The following SRSF11 variants were observed in gnomAD, a reference collection of about 807,000 sequenced individuals.
The protein encoded by SRSF11 is serine and arginine rich splicing factor 11, also known as serine/arginine-rich splicing factor 11.
Under a neutral mutation model 56.0 loss-of-function variants are expected in SRSF11, and 9 were observed. The observed-to-expected ratio is 0.16, with a 90% CI of 0.10 to 0.28. The LOEUF is 0.28. SRSF11 is among the 10% of genes least tolerant of loss of function. The pLI, the probability that SRSF11 is intolerant of heterozygous loss-of-function variation, is 1.00. For missense variants in SRSF11, 421 were observed against 600.7 expected (o/e 0.70, Z 3.13); for synonymous variants, 222 against 215.3 (o/e 1.03, Z -0.27).
chr1:70,214,608 T>C (rs1669842213), intron 1 of SRSF11, among the ~76,000 whole-genome samples: 1 of 152,120 alleles, frequency 6.6e-6, no homozygotes, highest in Admixed American at 6.6e-5. Context: ...AGACAATATA[T>C]ATTAAACGAT....
intron 2 of SRSF11, chr1:70,231,415 A>G (rs1167560495): frequency 1.9e-6 from 2 of 1,058,000 alleles, no homozygotes; most frequent in South Asian, 6.0e-5. Context: ...ATTTTATCTG[A>G]ATACACAGAT....
chr1:70,209,914 T>A (rs1031759563), intron 1 of SRSF11, among the ~76,000 whole-genome samples: 5 of 151,896 alleles, frequency 3.3e-5, no homozygotes, highest in Non-Finnish European at 7.4e-5. Context: ...GACATTCTTT[T>A]CTTTTCAGTG....
At chr1:70,226,060 G>A (rs1050273557) in intron 1 of SRSF11, among the ~76,000 whole-genome samples, 5 of 152,108 alleles carry the variant, frequency 3.3e-5, no homozygotes, top group East Asian at 1.9e-4. Context: ...ACGTGGTGGC[G>A]TGTGCGTGTA....
intron 1 of SRSF11, among the ~76,000 whole-genome samples, chr1:70,210,037 T>G (rs1279807977): frequency 1.3e-5 from 2 of 152,084 alleles, no homozygotes; most frequent in Non-Finnish European, 2.9e-5. Context: ...GAGAGTGCAT[T>G]GTCTTTGGAA....
chr1:70,245,607 C>G (rs1676565645), intron 8 of SRSF11, among the ~76,000 whole-genome samples: 1 of 152,138 alleles, frequency 6.6e-6, no homozygotes, highest in African/African-American at 2.4e-5. Flanking sequence ...TTGCTACTTG[C>G]TGATATTGGA....
chr1:70,224,960 T>C (rs1671454374), intron 1 of SRSF11, among the ~76,000 whole-genome samples: 2 of 152,226 alleles, frequency 1.3e-5, no homozygotes, highest in South Asian at 4.1e-4. Flanking sequence ...TGACCCTGTT[T>C]TACAAGTTCG....
chr1:70,228,563 C>T lies in SRSF11; in HGVS notation c.337+8C>T, dbSNP rs781271501. ...TCGTACCATATGCAGAAGGTTTGTG[C>T]TTTGTTTAACTACCTATGTGGGCAT... On this transcript the variant is annotated splice_region_variant and intron_variant, in intron 2 of 11. Coordinates refer to ENST00000370949, the MANE Select transcript of SRSF11 (RefSeq NM_001350605.2). 5 of 1,610,676 alleles carry T rather than the reference C, an allele frequency of 3.1e-6. No homozygotes were observed. Among genetic ancestry groups the T allele is most frequent in the South Asian group, 2.2e-5 (2 of 90,496 alleles).
chr1:70,210,372 G>A (rs1669455692), intron 1 of SRSF11, among the ~76,000 whole-genome samples: 1 of 151,862 alleles, frequency 6.6e-6, no homozygotes, highest in Non-Finnish European at 1.5e-5. Context: ...GCCCAGACTG[G>A]TCTCAAACTC....
intron 6 of SRSF11, 83 bp downstream of exon 6, chr1:70,237,635 C>T: frequency 6.5e-7 from 1 of 1,546,262 alleles, no homozygotes; most frequent in East Asian, 2.3e-5. Flanking sequence ...TTGAGTGACA[C>T]CCTAGTCGTT....
chr1:70,221,537 A>G lies in SRSF11; in HGVS notation c.-100A>G, dbSNP rs1670616950. 2.1e-6 allele frequency: 3 copies of G among 1,447,584 alleles called. No individual in the cohort carries two copies. Among genetic ancestry groups the G allele is most frequent in the East Asian group, 2.4e-5 (1 of 41,376 alleles). 89.7% of individuals were successfully genotyped at this position (1,447,584 alleles called of 1,614,324 possible). On this transcript the variant is annotated 5_prime_UTR_variant, in exon 1 of 12. Transcript: ENST00000370949. ...AGTAGCAGAGGCTGTAGCATCGGAC[A>G]CCCTCCTCTCTCCCGCAATCCGGTT...
At chr1:70,223,496 T>G (rs959526892) in intron 1 of SRSF11, among the ~76,000 whole-genome samples, 1 of 152,212 alleles carries the variant, frequency 6.6e-6, no homozygotes, top group Non-Finnish European at 1.5e-5. Flanking sequence ...TAGTGTGTGC[T>G]TGAGAATGTC....
chr1:70,244,931 G>T, intron 8 of SRSF11, 116 bp downstream of exon 8: 1 of 931,976 alleles, frequency 1.1e-6, no homozygotes, highest in South Asian at 2.6e-5. Flanking sequence ...CTAGACAGGG[G>T]AAGAAACTGT....
rs1206578968 is a variant in SRSF11, at chr1:70,251,403, A to G, written c.*598A>G. On this transcript the variant is annotated 3_prime_UTR_variant, in exon 12 of 12. Coordinates refer to ENST00000370949, the MANE Select transcript of SRSF11 (RefSeq NM_001350605.2). ...GTTTAACTTTGAAAGGTTATTATGCACTAACCTTTTTTGGTGGCTAATTAG... is the reference window on the plus strand; with the variant it reads ...GTTTAACTTTGAAAGGTTATTATGCGCTAACCTTTTTTGGTGGCTAATTAG... 6.5e-6 allele frequency: 1 copy of G among 152,676 alleles called. No individual in the cohort carries two copies. The highest frequency in any genetic ancestry group is 1.5e-5 in the Non-Finnish European group (1 of 68,038). 9.5% of individuals were successfully genotyped at this position (152,676 alleles called of 1,614,324 possible).
upstream of SRSF11, among the ~76,000 whole-genome samples, chr1:70,220,463 A>C (rs1670429786): frequency 6.6e-6 from 1 of 152,266 alleles, no homozygotes; most frequent in Non-Finnish European, 1.5e-5. Flanking sequence ...ATGTATGTGA[A>C]ACAAGTTTTT....
intron 5 of SRSF11, 54 bp downstream of exon 5, chr1:70,235,604 A>G: frequency 6.5e-7 from 1 of 1,548,336 alleles, no homozygotes; most frequent in Non-Finnish European, 8.7e-7. Context: ...ATGTCTACAG[A>G]ATTAGAGTTT....
chr1:70,240,915 G>T (rs1675236288), intron 7 of SRSF11, among the ~76,000 whole-genome samples: 1 of 152,054 alleles, frequency 6.6e-6, no homozygotes, highest in African/African-American at 2.4e-5. Flanking sequence ...TGGGATTACA[G>T]GTGTGTGCCA....
At chr1:70,235,679 C>A in intron 5 of SRSF11, 129 bp downstream of exon 5, 1 of 847,144 alleles carries the variant, frequency 1.2e-6, no homozygotes, top group Non-Finnish European at 1.8e-6. Context: ...TGTATTGTTA[C>A]CTAGAAACAA....
At chr1:70,212,663 G>A (rs1669667698) in intron 1 of SRSF11, among the ~76,000 whole-genome samples, 2 of 152,098 alleles carry the variant, frequency 1.3e-5, no homozygotes, top group East Asian at 1.9e-4. Context: ...ATCTAATAAT[G>A]GTATAATTCA....
chr1:70,213,566 A>G (rs1347584222), intron 1 of SRSF11, among the ~76,000 whole-genome samples: 3 of 152,148 alleles, frequency 2.0e-5, no homozygotes, highest in African/African-American at 7.2e-5. Flanking sequence ...TTGGAGTGAG[A>G]TGTAGTACCT....
Sources: gnomAD v4.1 joint callset for allele counts (sites outside exome capture counted in the v4.1 genomes callset) on GRCh38, gnomAD v4.1.1 for gene constraint, MANE v1.5 for transcripts, NCBI Gene and HGNC (gene_info 2026-07-23, HGNC 2026-07-21) for gene names.